The following VWA3B variants were observed in gnomAD, a reference collection of about 807,000 sequenced individuals.
VWA3B encodes von Willebrand factor A domain containing 3B.
Under a neutral mutation model 158.3 loss-of-function variants are expected in VWA3B, and 138 were observed. That is an observed-to-expected ratio of 0.87 (90% CI 0.76 to 1.00). VWA3B has a LOEUF of 1.00. VWA3B is among the 50% of genes least tolerant of loss of function. VWA3B has a pLI of 0.00. For synonymous variants in VWA3B, 596 were observed against 587.3 expected (o/e 1.01, Z -0.21); for missense variants, 1,555 against 1,565.1 (o/e 0.99, Z 0.11).
chr2:98,275,876 A>C (rs1187557212), intron 22 of VWA3B, among the ~76,000 whole-genome samples: 1 of 152,236 alleles, frequency 6.6e-6, no homozygotes, highest in African/African-American at 2.4e-5. Flanking sequence ...GGAGGAAGTT[A>C]GTATAAGAAG....
At position 98,119,151 on chromosome 2, in the gene VWA3B, C is replaced by T. The variant is rs144039343; in HGVS notation, c.292-362C>T. Among the ~76,000 whole-genome samples, 200 of 152,298 alleles carry T rather than the reference C, an allele frequency of 1.3e-3. 6 individuals carry two copies. The East Asian group carries it at 0.032, about 25-fold the overall frequency. Reference sequence around the variant, plus strand: ...TTTTGGAATGTTATGTTTAGGAAAACGTTTTAGTGAGACATTATTTTCCAT... The same window carrying T: ...TTTTGGAATGTTATGTTTAGGAAAATGTTTTAGTGAGACATTATTTTCCAT... On this transcript the variant is annotated intron_variant, in intron 3 of 27. Coordinates refer to ENST00000477737, the MANE Select transcript of VWA3B (RefSeq NM_144992.5).
intron 7 of VWA3B, among the ~76,000 whole-genome samples, chr2:98,153,041 C>G (rs1336327542): frequency 1.3e-5 from 2 of 152,198 alleles, no homozygotes; most frequent in African/African-American, 4.8e-5. Context: ...CCTTTCACTT[C>G]TAGGCCTACC....
chr2:98,297,150 C>G (rs1689854580), intron 23 of VWA3B, among the ~76,000 whole-genome samples: 2 of 151,646 alleles, frequency 1.3e-5, no homozygotes, highest in African/African-American at 4.9e-5. Context: ...GACGCAATCT[C>G]AGCTCACTGC....
chr2:98,295,937 G>T (rs994644737), intron 23 of VWA3B, among the ~76,000 whole-genome samples: 1 of 152,200 alleles, frequency 6.6e-6, no homozygotes, highest in East Asian at 1.9e-4. Context: ...AAGCCAGACC[G>T]TAAGAAACTG....
At chr2:98,266,210 T>A (rs1205552177) in intron 21 of VWA3B, among the ~76,000 whole-genome samples, 3 of 151,840 alleles carry the variant, frequency 2.0e-5, no homozygotes, top group Non-Finnish European at 4.4e-5. Context: ...CCATCTTGAA[T>A]TAATTTTTGT....
At chr2:98,143,031 T>C (rs549055048) in intron 7 of VWA3B, among the ~76,000 whole-genome samples, 1 of 152,332 alleles carries the variant, frequency 6.6e-6, no homozygotes, top group Admixed American at 6.5e-5. Flanking sequence ...TGTTGAGTTA[T>C]ATCAAATATA....
At chr2:98,187,609 AT>A (rs570160784) in intron 9 of VWA3B, among the ~76,000 whole-genome samples, 74 of 147,062 alleles carry the variant, frequency 5.0e-4, no homozygotes, top group Non-Finnish European at 8.9e-4. Context: ...TGAGTATCTA[AT>A]TCTCCACATT....
intron 22 of VWA3B, among the ~76,000 whole-genome samples, chr2:98,275,362 T>G (rs897614461): frequency 6.6e-6 from 1 of 152,076 alleles, no homozygotes; most frequent in African/African-American, 2.4e-5. Flanking sequence ...GTCTGGAGTT[T>G]AGGAGAGAGG....
chr2:98,269,398 A>G (rs1396776165), intron 21 of VWA3B: 1 of 152,126 alleles, frequency 6.6e-6, no homozygotes, highest in Non-Finnish European at 1.5e-5. Flanking sequence ...AGTATCTCCA[A>G]TGCTGTAACA....
intron 8 of VWA3B, among the ~76,000 whole-genome samples, chr2:98,180,082 TTC>T (rs777071611): frequency 2.0e-5 from 3 of 147,716 alleles, no homozygotes; most frequent in Admixed American, 6.6e-5. Context: ...CTTTCTTTCT[TTC>T]TCTCTTTCTT....
intron 26 of VWA3B, among the ~76,000 whole-genome samples, chr2:98,305,800 C>T (rs1441764323): frequency 1.3e-5 from 2 of 152,172 alleles, no homozygotes; most frequent in Non-Finnish European, 2.9e-5. Context: ...CCAGCCTCCT[C>T]CTGCCACAGT....
At chr2:98,319,463 A>T in the VWA3B span, among the ~76,000 whole-genome samples, 3 of 152,258 alleles carry the variant, frequency 2.0e-5, no homozygotes, top group Non-Finnish European at 4.4e-5. Flanking sequence ...CAATGAAAAA[A>T]CTGACCAAAG....
In VWA3B at chr2:98,293,130, G is replaced by C. The variant is rs557542233; in HGVS notation, c.3157+2508G>C. On this transcript the variant is annotated intron_variant, in intron 23 of 27. Coordinates refer to ENST00000477737, the MANE Select transcript of VWA3B (RefSeq NM_144992.5). ...GATGAGAAAATTCTAAAGACCTACT[G>C]GGGGGAGTAGAGGAGATGGGGCTAA... Among the ~76,000 whole-genome samples the C allele has an allele frequency of 3.9e-5, 6 of 152,214 alleles. No homozygotes were observed. In the East Asian group the frequency reaches 7.7e-4, roughly 20 times the overall value.
Position 98,270,883 on chromosome 2 carries a change from G to T in VWA3B, c.3045G>T (p.Glu1015Asp). ...ATTATGCAAACAAGGCCCCGGGAGA[G>T]GTGGGTGCCCTGGAGGTCTCTGTCT... is the stretch of plus-strand genomic sequence containing the variant. ...KKNYANKAPG[E>D]QQKLQGNPTK... is the part of the protein sequence containing the mutation. Residue 1015 changes from glutamate (E) to aspartate (D), a missense_variant and splice_region_variant, in exon 22 of 28, where the codon GAG becomes GAT. Glu to Asp is a conservative substitution (Grantham distance 45). Transcript: ENST00000477737. 1 of 1,613,620 alleles carries T rather than the reference G, an allele frequency of 6.2e-7. No individual in the cohort carries two copies. Among genetic ancestry groups the T allele is most frequent in the Non-Finnish European group, 8.5e-7 (1 of 1,179,744 alleles).
chr2:98,247,054 G>A (rs1686444626), intron 19 of VWA3B, among the ~76,000 whole-genome samples: 3 of 152,000 alleles, frequency 2.0e-5, no homozygotes, highest in Admixed American at 6.6e-5. Flanking sequence ...CTGCAGTGTA[G>A]TGGTGTGATC....
intron 8 of VWA3B, among the ~76,000 whole-genome samples, chr2:98,172,584 C>T (rs1392769849): frequency 6.6e-6 from 1 of 152,148 alleles, no homozygotes; most frequent in Non-Finnish European, 1.5e-5. Context: ...GGGTCCACAC[C>T]CTTCCTGTAC....
At chr2:98,170,857 A>C (rs1316453856) in intron 8 of VWA3B, among the ~76,000 whole-genome samples, 1 of 152,102 alleles carries the variant, frequency 6.6e-6, no homozygotes, top group Non-Finnish European at 1.5e-5. Flanking sequence ...CGCCTGCCTC[A>C]GCCTCCCAAA....
At chr2:98,214,017 C>G (rs574998405) in intron 13 of VWA3B, among the ~76,000 whole-genome samples, 5 of 151,708 alleles carry the variant, frequency 3.3e-5, no homozygotes, top group African/African-American at 1.2e-4. Flanking sequence ...ATATTGAGAC[C>G]CTGTCTCTAC....
At chr2:98,121,258 C>T (rs201331834) in intron 4 of VWA3B, 41 bp from the exon 5 acceptor site, 2 of 1,596,294 alleles carry the variant, frequency 1.3e-6, no homozygotes, top group African/African-American at 1.3e-5. Context: ...CCCAGTAGCA[C>T]TGATCACTGC....
Sources: allele counts gnomAD v4.1 joint callset (sites outside exome capture counted in the v4.1 genomes callset), GRCh38; gene constraint gnomAD v4.1.1; transcripts MANE v1.5; gene names NCBI Gene and HGNC (gene_info 2026-07-23, HGNC 2026-07-21).